Variants in EIF4B observed in about 807,000 individuals in gnomAD.
EIF4B encodes eukaryotic translation initiation factor 4B.
EIF4B carries 8 observed loss-of-function variants against 79.3 expected under a neutral mutation model. The ratio of observed to expected loss-of-function variants is 0.10; its 90% CI spans 0.06 to 0.18. The LOEUF is 0.18. Ranked by LOEUF, EIF4B falls within the 10% of genes least tolerant of loss-of-function variation. The probability of loss-of-function intolerance (pLI) is 1.00; values close to 1 mark genes in which losing one functional copy is unlikely to be tolerated. For synonymous variants in EIF4B, 238 were observed against 274.7 expected (o/e 0.87, Z 1.32); for missense variants, 515 against 792.4 (o/e 0.65, Z 4.20).
intron 3 of EIF4B, among the ~76,000 whole-genome samples, chr12:53,019,450 C>CTTTTTTTTCTTTTTTTT (rs1943208629): frequency 1.5e-5 from 1 of 66,002 alleles, no homozygotes; most frequent in Non-Finnish European, 3.1e-5. Flanking sequence ...TTTTTTTTTT[C>CTTTTTTTTCTTTTTTTT]TTTTTTTTTT....
chr12:53,038,118 A>G, intron 11 of EIF4B: 1 of 324,462 alleles, frequency 3.1e-6, no homozygotes, highest in Non-Finnish European at 5.7e-6. Context: ...TAAGACTCCA[A>G]AAGAAAAGAA....
At chr12:53,007,224 T>C (rs562078162) in intron 1 of EIF4B, among the ~76,000 whole-genome samples, 11 of 152,082 alleles carry the variant, frequency 7.2e-5, no homozygotes, top group East Asian at 3.9e-4. Context: ...TGGCGTTAGA[T>C]GGGGGTGGGG....
chr12:53,017,751 G>A (rs1048712536), intron 2 of EIF4B, among the ~76,000 whole-genome samples: 4 of 152,014 alleles, frequency 2.6e-5, no homozygotes, highest in Non-Finnish European at 4.4e-5. Context: ...CCGCCACCGC[G>A]CCCAGCAAAT....
chr12:53,032,754 G>A (rs192321708), intron 8 of EIF4B, among the ~76,000 whole-genome samples: 1 of 148,502 alleles, frequency 6.7e-6, no homozygotes, highest in South Asian at 2.1e-4. Flanking sequence ...TGCAACCTCC[G>A]CCTCCCCGGT....
At chr12:53,010,536 C>T (rs1232191584) in intron 1 of EIF4B, among the ~76,000 whole-genome samples, 1 of 145,180 alleles carries the variant, frequency 6.9e-6, no homozygotes, top group Non-Finnish European at 1.5e-5. Flanking sequence ...CTGTAAACAC[C>T]AATATAATTA....
At chr12:53,016,329 C>T in intron 1 of EIF4B, 144 bp from the exon 2 acceptor site, 1 of 1,031,456 alleles carries the variant, frequency 9.7e-7, no homozygotes. Context: ...CTGCATAGTA[C>T]CCCTTCATGG....
intron 13 of EIF4B, 66 bp downstream of exon 13, chr12:53,039,409 C>T: frequency 7.2e-7 from 1 of 1,395,144 alleles, no homozygotes; most frequent in Non-Finnish European, 9.8e-7. Context: ...AAATTAAGTT[C>T]TTGGTTCTCA....
chr12:53,019,949 G>C lies in EIF4B; in HGVS notation c.400G>C (p.Glu134Gln). The stretch of plus-strand genomic sequence containing the variant: ...TTTACCACGTGAACCCAGCAATCCA[G>C]AGAGGTTGAAAGGTTTTGGTTATGC... ...VRLPREPSNPERLKGFGYAEF... is the reference protein window; with the variant it reads ...VRLPREPSNPQRLKGFGYAEF... Residue 134 changes from glutamate (E) to glutamine (Q), a missense_variant, in exon 4 of 15, where the codon GAG becomes CAG. Transcript: ENST00000262056. The C allele has an allele frequency of 6.2e-7, 1 of 1,613,056 alleles. No homozygotes were observed. Among genetic ancestry groups the C allele is most frequent in the Non-Finnish European group, 8.5e-7 (1 of 1,179,680 alleles).
At chr12:53,017,158 CAGG>C (rs1025928266) in intron 2 of EIF4B, among the ~76,000 whole-genome samples, 4 of 151,536 alleles carry the variant, frequency 2.6e-5, no homozygotes, top group African/African-American at 9.7e-5. Context: ...GAGGCTGGGG[CAGG>C]AGAATTGCTT....
At chr12:53,036,146 C>A (rs1222615781) in intron 10 of EIF4B, among the ~76,000 whole-genome samples, 3 of 150,872 alleles carry the variant, frequency 2.0e-5, no homozygotes, top group Admixed American at 6.6e-5. Context: ...GAGTTTCGCT[C>A]TTTTTGCCCA....
At chr12:53,019,826 C>A (rs1179763319) in intron 3 of EIF4B, 84 bp from the exon 4 acceptor site, 2 of 1,301,970 alleles carry the variant, frequency 1.5e-6, no homozygotes, top group African/African-American at 1.5e-5. Flanking sequence ...CATGCACATA[C>A]AGTAATGCTT....
chr12:53,030,840 T>C (rs1943431284), intron 8 of EIF4B, among the ~76,000 whole-genome samples: 1 of 152,164 alleles, frequency 6.6e-6, no homozygotes, highest in Non-Finnish European at 1.5e-5. Context: ...ATTCTAAGAC[T>C]TCTGTGTGGT....
intron 11 of EIF4B, 60 bp downstream of exon 11, chr12:53,037,682 T>C (rs1192456419): frequency 3.4e-5 from 53 of 1,568,406 alleles, no homozygotes; most frequent in Non-Finnish European, 4.6e-5. Flanking sequence ...TGTGATGTAA[T>C]GATGGAAGAT....
intron 10 of EIF4B, 109 bp from the exon 11 acceptor site, chr12:53,037,300 T>G (rs1943555866): frequency 8.0e-7 from 1 of 1,251,888 alleles, no homozygotes; most frequent in Non-Finnish European, 1.1e-6. Flanking sequence ...TAAATCCATC[T>G]TTGGGAGCCA....
chr12:53,019,450 CTTTTTT>C (rs71095966), intron 3 of EIF4B, among the ~76,000 whole-genome samples: 4 of 65,998 alleles, frequency 6.1e-5, no homozygotes, highest in African/African-American at 4.8e-5. Context: ...TTTTTTTTTT[CTTTTTT>C]TTTTTTTTTT....
intron 8 of EIF4B, among the ~76,000 whole-genome samples, chr12:53,032,625 A>G (rs985936169): frequency 1.3e-5 from 2 of 151,798 alleles, no homozygotes; most frequent in Non-Finnish European, 1.5e-5. Context: ...GTCTTGTACT[A>G]CATCATGGAT....
chr12:53,032,425 T>G lies in EIF4B; in HGVS notation c.980-1381T>G, dbSNP rs188230734. Among the ~76,000 whole-genome samples the G allele has an allele frequency of 2.1e-3, 315 of 152,264 alleles. 1 individual carries two copies. The highest frequency in any genetic ancestry group is 7.1e-3 in the African/African-American group (297 of 41,568). ...TCCAGCCTGGGTGACAGAGCGAGAC[T>G]GTCTCAAAAAAAATAAAGAACTAGA... On this transcript the variant is annotated intron_variant, in intron 8 of 14. Coordinates refer to ENST00000262056, the MANE Select transcript of EIF4B (RefSeq NM_001417.7).
At chr12:53,026,476 C>T (rs954012413) in intron 6 of EIF4B, among the ~76,000 whole-genome samples, 17 of 152,208 alleles carry the variant, frequency 1.1e-4, no homozygotes, top group Non-Finnish European at 2.4e-4. Flanking sequence ...GTATCTTTAT[C>T]ACACATCCAA....
At position 53,039,440 on chromosome 12, in the gene EIF4B, T is replaced by C. The variant is rs1001715799; in HGVS notation, c.1682+97T>C. The C allele has an allele frequency of 1.0e-5, 13 of 1,247,174 alleles. No homozygotes were observed. In the African/African-American group the frequency reaches 1.5e-4, roughly 15 times the overall value. The allele number at this position is 1,247,174 out of a possible 1,614,324, so 77.3% of individuals were successfully genotyped here. On this transcript the variant is annotated intron_variant, in intron 13 of 14. Transcript: ENST00000262056. ...TCTCAGAGCACTGCCAGATCGCTCA[T>C]TGTGAGCAAACTAAAGTCAGCCAAC...
Sources: allele counts gnomAD v4.1 joint callset (sites outside exome capture counted in the v4.1 genomes callset), GRCh38; gene constraint gnomAD v4.1.1; transcripts MANE v1.5; gene names NCBI Gene and HGNC (gene_info 2026-07-23, HGNC 2026-07-21).